KHDRBS3: variants seen among roughly 807,000 people sequenced by gnomAD.
KHDRBS3 encodes the protein KH domain-containing, RNA-binding, signal transduction-associated protein 3.
In KHDRBS3, 23 loss-of-function variants were observed where a neutral mutation model predicts 45.6. That is an observed-to-expected ratio of 0.50 (90% CI 0.36 to 0.72). The LOEUF (loss-of-function observed/expected upper bound fraction) is 0.72, where lower values mean the gene tolerates loss of function less well. Ranked by LOEUF, KHDRBS3 falls within the 30% of genes least tolerant of loss-of-function variation. KHDRBS3 has a pLI of 0.00. For missense variants in KHDRBS3, 352 were observed against 424.8 expected (o/e 0.83, Z 1.51); for synonymous variants, 162 against 156.5 (o/e 1.04, Z -0.26).
chr8:135,635,757 G>A (rs147097594), intron 7 of KHDRBS3, among the ~76,000 whole-genome samples: 1 of 152,284 alleles, frequency 6.6e-6, no homozygotes, highest in Non-Finnish European at 1.5e-5. Flanking sequence ...TTCATACTCT[G>A]TTACATTAAA....
chr8:135,518,908 G>T (rs1222307688), intron 1 of KHDRBS3, among the ~76,000 whole-genome samples: 1 of 152,086 alleles, frequency 6.6e-6, no homozygotes, highest in Non-Finnish European at 1.5e-5. Flanking sequence ...CTGTCATATT[G>T]TTTTAAATTG....
At chr8:135,635,153 A>T (rs1475231199) in intron 7 of KHDRBS3, among the ~76,000 whole-genome samples, 2 of 152,174 alleles carry the variant, frequency 1.3e-5, no homozygotes, top group Admixed American at 1.3e-4. Context: ...CAGTCAACCC[A>T]TTGCTTGTAA....
At chr8:135,608,598 T>C (rs1396675416) in intron 7 of KHDRBS3, among the ~76,000 whole-genome samples, 1 of 152,216 alleles carries the variant, frequency 6.6e-6, no homozygotes, top group East Asian at 1.9e-4. Context: ...TGCATATTCT[T>C]AATCCTGGTA....
chr8:135,579,361 C>G (rs1828095656), intron 5 of KHDRBS3, among the ~76,000 whole-genome samples: 1 of 152,138 alleles, frequency 6.6e-6, no homozygotes, highest in Non-Finnish European at 1.5e-5. Context: ...GAGACAGAGT[C>G]TCGCTCTGTC....
At chr8:135,500,654 A>G (rs1823693807) in intron 1 of KHDRBS3, among the ~76,000 whole-genome samples, 1 of 152,198 alleles carries the variant, frequency 6.6e-6, no homozygotes, top group Admixed American at 6.5e-5. Context: ...AGGTCACTCA[A>G]CTAGTTTATG....
At chr8:135,594,157 A>G (rs75099621) in intron 6 of KHDRBS3, among the ~76,000 whole-genome samples, 2,069 of 152,310 alleles carry the variant, frequency 0.014, 23 homozygotes, top group Non-Finnish European at 0.019. Flanking sequence ...ACATAACAGG[A>G]TGTGGAATAA....
intron 1 of KHDRBS3, among the ~76,000 whole-genome samples, chr8:135,500,512 A>C (rs1823684263): frequency 6.6e-6 from 1 of 152,108 alleles, no homozygotes; most frequent in African/African-American, 2.4e-5. Flanking sequence ...AGTTCACCTT[A>C]CTCTCTTCAG....
chr8:135,608,114 C>T (rs1255671799), intron 7 of KHDRBS3, among the ~76,000 whole-genome samples: 1 of 152,090 alleles, frequency 6.6e-6, no homozygotes, highest in Non-Finnish European at 1.5e-5. Context: ...TACACCGTCT[C>T]ATTTAGGTAT....
chr8:135,458,031 C>T lies in KHDRBS3; in HGVS notation c.88+77C>T, dbSNP rs114069795. On this transcript the variant is annotated intron_variant, in intron 1 of 8. Coordinates refer to ENST00000355849, the MANE Select transcript of KHDRBS3 (RefSeq NM_006558.3). ...AAACGCGGGGGCCCAGGGGGCCCCT[C>T]CGTGCCCTCTGCTGTCAGCGGACGC... The T allele has an allele frequency of 2.1e-3, 3,039 of 1,476,886 alleles. 56 individuals carry two copies. In the African/African-American group the frequency reaches 0.039, roughly 19 times the overall value. 91.5% of individuals were successfully genotyped at this position (1,476,886 alleles called of 1,614,324 possible). A position where few individuals can be genotyped will look rare whatever the true frequency, so the allele number is the denominator to read the frequency against.
chr8:135,473,384 G>A (rs1822112393), intron 1 of KHDRBS3, among the ~76,000 whole-genome samples: 1 of 152,136 alleles, frequency 6.6e-6, no homozygotes, highest in African/African-American at 2.4e-5. Context: ...AATGTTTTTG[G>A]TTAGTGTTGC....
rs142549179 is a variant in KHDRBS3 at position 135,639,523 on chromosome 8, G to A, written c.891-5536G>A. On this transcript the variant is annotated intron_variant, in intron 7 of 8. Transcript: ENST00000355849. The stretch of plus-strand genomic sequence containing the variant: ...ATGATGGTCTGGAAGAGGCAGAGGT[G>A]TCTGTACCTTAGGGGAGGGAGGAGT... Among the ~76,000 whole-genome samples the A allele has an allele frequency of 4.6e-4, 70 of 152,314 alleles. No homozygotes were observed. In the East Asian group the frequency reaches 0.011, roughly 24 times the overall value.
At chr8:135,587,235 A>G (rs1828520767) in intron 6 of KHDRBS3, among the ~76,000 whole-genome samples, 1 of 152,338 alleles carries the variant, frequency 6.6e-6, no homozygotes, top group Middle Eastern at 3.4e-3. Flanking sequence ...CATCGGAGTT[A>G]CTGTAACAAA....
chr8:135,618,634 G>A (rs982465971), intron 7 of KHDRBS3, among the ~76,000 whole-genome samples: 2 of 152,096 alleles, frequency 1.3e-5, no homozygotes, highest in Non-Finnish European at 2.9e-5. Flanking sequence ...TAAAGTATGT[G>A]TACCCAGTGT....
intron 1 of KHDRBS3, among the ~76,000 whole-genome samples, chr8:135,468,077 C>A (rs932099333): frequency 6.6e-6 from 1 of 152,152 alleles, no homozygotes; most frequent in Non-Finnish European, 1.5e-5. Flanking sequence ...TATCTGTCTT[C>A]TAAATTCATG....
intron 4 of KHDRBS3, chr8:135,549,480 G>A (rs1241866352): frequency 6.6e-6 from 1 of 152,214 alleles, no homozygotes; most frequent in Non-Finnish European, 1.5e-5. Context: ...TTGACTGTCT[G>A]TTTTAACCCT....
chr8:135,622,460 A>G (rs1382577164), intron 7 of KHDRBS3, among the ~76,000 whole-genome samples: 2 of 152,220 alleles, frequency 1.3e-5, no homozygotes, highest in East Asian at 3.8e-4. Flanking sequence ...ACTAAAAACC[A>G]TTTGCTGCCC....
chr8:135,509,311 C>T (rs16905384), intron 1 of KHDRBS3, among the ~76,000 whole-genome samples: 1,630 of 152,210 alleles, frequency 0.011, 27 homozygotes, highest in African/African-American at 0.035. Flanking sequence ...CTTTGAGAGT[C>T]GGACAATGCT....
intron 6 of KHDRBS3, among the ~76,000 whole-genome samples, chr8:135,598,187 A>G (rs1275334649): frequency 6.6e-6 from 1 of 152,266 alleles, no homozygotes; most frequent in Non-Finnish European, 1.5e-5. Flanking sequence ...ATCATATTCT[A>G]TAAAAGTCAA....
chr8:135,497,293 A>G (rs1193347099), intron 1 of KHDRBS3, among the ~76,000 whole-genome samples: 1 of 152,212 alleles, frequency 6.6e-6, no homozygotes, highest in African/African-American at 2.4e-5. Flanking sequence ...AACAGTGGAT[A>G]TGTCGGAAAT....
Sources: gnomAD v4.1 joint callset for allele counts (sites outside exome capture counted in the v4.1 genomes callset) on GRCh38, gnomAD v4.1.1 for gene constraint, MANE v1.5 for transcripts, NCBI Gene and HGNC (gene_info 2026-07-23, HGNC 2026-07-21) for gene names.